Variants in CACNA1A observed in about 807,000 individuals in gnomAD.
CACNA1A encodes calcium voltage-gated channel subunit alpha1 A.
CACNA1A carries 57 observed loss-of-function variants against 262.4 expected under a neutral mutation model. That is an observed-to-expected ratio of 0.22 (90% CI 0.18 to 0.27). The LOEUF is 0.27. Among genes scored for constraint, CACNA1A ranks in the 10% least tolerant of loss-of-function variants. CACNA1A has a pLI of 1.00. For missense variants in CACNA1A, 2,526 were observed against 3,562.8 expected (o/e 0.71, Z 7.41); for synonymous variants, 1,431 against 1,419.3 (o/e 1.01, Z -0.18).
At chr19:13,332,783 C>A in intron 9 of CACNA1A, 86 bp downstream of exon 9, 1 of 811,866 alleles carries the variant, frequency 1.2e-6, no homozygotes. Context: ...TCCTTAGAAC[C>A]AGTCACCTGC....
At chr19:13,291,271 T>C (rs1271139588) in intron 19 of CACNA1A, among the ~76,000 whole-genome samples, 1 of 152,000 alleles carries the variant, frequency 6.6e-6, no homozygotes, top group Non-Finnish European at 1.5e-5. Flanking sequence ...TGAGATCGGA[T>C]TATGTGGGGG....
chr19:13,337,702 A>AAATT (rs60281143), intron 6 of CACNA1A, among the ~76,000 whole-genome samples: 104,621 of 151,420 alleles, frequency 0.69, 36,241 homozygotes, highest in Admixed American at 0.76. Flanking sequence ...TTCTATGCTA[A>AAATT]AATTAAGTCA....
intron 6 of CACNA1A, among the ~76,000 whole-genome samples, chr19:13,341,119 GA>G (rs2058669517): frequency 6.6e-6 from 1 of 152,174 alleles, no homozygotes; most frequent in African/African-American, 2.4e-5. Flanking sequence ...AAGAAAAGGA[GA>G]AACCTGGGCA....
intron 3 of CACNA1A, among the ~76,000 whole-genome samples, chr19:13,441,312 T>C (rs551001651): frequency 2.0e-5 from 3 of 152,220 alleles, no homozygotes; most frequent in African/African-American, 7.2e-5. Context: ...TAGAGATGCC[T>C]GCACAAGAAG....
intron 4 of CACNA1A, among the ~76,000 whole-genome samples, chr19:13,370,226 G>A (rs1018319992): frequency 2.0e-5 from 3 of 148,582 alleles, no homozygotes; most frequent in African/African-American, 7.5e-5. Context: ...TCAGCCTCCC[G>A]AGTAGCTGGG....
chr19:13,277,087 G>A lies in CACNA1A; in HGVS notation c.3864C>T (p.Thr1288=), dbSNP rs2057168736. Residue 1288 remains threonine (T), a synonymous_variant, in exon 23 of 47, where the codon ACC becomes ACT. Transcript: ENST00000360228. ...CACTCACCTTGATCACCATCTCAAA[G>A]GTAAAGACGCCTGTAAAAACGTAGT... ...YFDYVFTGVF[T]FEMVIKMIDL... 1.2e-6 allele frequency: 2 copies of A among 1,612,104 alleles called. No homozygotes were observed. Among genetic ancestry groups the A allele is most frequent in the African/African-American group, 1.3e-5 (1 of 74,876 alleles).
intron 15 of CACNA1A, among the ~76,000 whole-genome samples, chr19:13,306,330 G>A (rs1370563404): frequency 6.6e-6 from 1 of 152,172 alleles, no homozygotes; most frequent in Non-Finnish European, 1.5e-5. Context: ...CCTGGAATAT[G>A]AGACCAAGGT....
intron 4 of CACNA1A, among the ~76,000 whole-genome samples, chr19:13,368,395 T>C (rs2059255652): frequency 6.6e-6 from 1 of 151,330 alleles, no homozygotes; most frequent in South Asian, 2.1e-4. Flanking sequence ...TACAGTGGCA[T>C]GATCACGGCT....
At position 13,215,017 on chromosome 19, in the gene CACNA1A, T is replaced by G. The variant is rs553854303; in HGVS notation, c.5732-409A>C. ...TGTTGTGTGTGTGTGTGTGTGTTTTTTTTTTTTTTTTAGACAGAGTCTTGC... is the reference window on the plus strand; with the variant it reads ...TGTTGTGTGTGTGTGTGTGTGTTTTGTTTTTTTTTTTAGACAGAGTCTTGC... On this transcript the variant is annotated intron_variant, in intron 38 of 46. Transcript: ENST00000360228. 3.7e-4 allele frequency: 64 copies of G among 171,096 alleles called. No individual in the cohort carries two copies. In the East Asian group the frequency reaches 9.3e-3, roughly 25 times the overall value. 10.6% of individuals were successfully genotyped at this position (171,096 alleles called of 1,614,324 possible).
Position 13,241,735 on chromosome 19 carries a change from G to T in CACNA1A, c.4950+3447C>A, listed in dbSNP as rs1324031892. Among the ~76,000 whole-genome samples, 3 of 152,180 alleles carry T rather than the reference G, an allele frequency of 2.0e-5. No individual in the cohort carries two copies. The highest frequency in any genetic ancestry group is 7.2e-5 in the African/African-American group (3 of 41,430). ...CAGACCATGTCATGGATGAACAAAT[G>T]AATTTCATAGTGCATTTTGATTGGA... On this transcript the variant is annotated intron_variant, in intron 31 of 46. Coordinates refer to ENST00000360228, the MANE Select transcript of CACNA1A (RefSeq NM_001127222.2). This position sits in a 1 kb window ranked among gnomAD's most constrained non-coding sequence, Gnocchi z 4.0.
intron 6 of CACNA1A, among the ~76,000 whole-genome samples, chr19:13,358,177 T>C (rs1050838511): frequency 6.6e-6 from 1 of 152,250 alleles, no homozygotes. Context: ...TCATGTTCCA[T>C]GTCAGTGGAC....
intron 3 of CACNA1A, among the ~76,000 whole-genome samples, chr19:13,404,348 C>T (rs1453520070): frequency 2.0e-5 from 3 of 152,276 alleles, no homozygotes; most frequent in Admixed American, 2.0e-4. Context: ...CCTCATGCCA[C>T]CTGGGGAACA....
chr19:13,297,130 T>C (rs1158814962), intron 19 of CACNA1A, among the ~76,000 whole-genome samples: 1 of 152,250 alleles, frequency 6.6e-6, no homozygotes, highest in Admixed American at 6.5e-5. Flanking sequence ...TCAGCTGCTC[T>C]TCCAGGCCCT....
chr19:13,334,082 G>A, intron 8 of CACNA1A: 1 of 323,376 alleles, frequency 3.1e-6, no homozygotes, highest in Non-Finnish European at 5.7e-6. Context: ...TGTAACAGCT[G>A]AGGAAACGGA....
chr19:13,393,976 T>C (rs1301024674), intron 3 of CACNA1A, among the ~76,000 whole-genome samples: 1 of 152,108 alleles, frequency 6.6e-6, no homozygotes, highest in Non-Finnish European at 1.5e-5. Flanking sequence ...AGGCGCTGGT[T>C]ACATGACTGG....
At chr19:13,348,840 A>C (rs1334241460) in intron 6 of CACNA1A, among the ~76,000 whole-genome samples, 2 of 151,930 alleles carry the variant, frequency 1.3e-5, no homozygotes, top group Admixed American at 1.3e-4. Flanking sequence ...ATCTCAAAAC[A>C]AAACAAAACC....
At chr19:13,320,864 A>G (rs1057017377) in intron 10 of CACNA1A, among the ~76,000 whole-genome samples, 9 of 152,168 alleles carry the variant, frequency 5.9e-5, no homozygotes. Flanking sequence ...TCAACATGGA[A>G]TCAATATCAA....
intron 1 of CACNA1A, among the ~76,000 whole-genome samples, chr19:13,498,670 G>C (rs1981977105): frequency 6.6e-6 from 1 of 152,178 alleles, no homozygotes; most frequent in Non-Finnish European, 1.5e-5. Context: ...AATCTCTCTT[G>C]TATTAGCTGC....
At chr19:13,276,718 GAC>G (rs1600226345) in intron 23 of CACNA1A, among the ~76,000 whole-genome samples, 2 of 27,680 alleles carry the variant, frequency 7.2e-5, no homozygotes, top group East Asian at 6.9e-4. Context: ...TTTTTTTTTT[GAC>G]AGAGTCTCGC....
Sources: allele counts gnomAD v4.1 joint callset (sites outside exome capture counted in the v4.1 genomes callset), GRCh38; gene constraint gnomAD v4.1.1; non-coding constraint Gnocchi (gnomAD v3.1); transcripts MANE v1.5; gene names NCBI Gene and HGNC (gene_info 2026-07-23, HGNC 2026-07-21).